The following LPCAT1 variants were observed in gnomAD, a reference collection of about 807,000 sequenced individuals.
LPCAT1 encodes lysophosphatidylcholine acyltransferase 1.
Under a neutral mutation model 60.9 loss-of-function variants are expected in LPCAT1, and 23 were observed. The observed-to-expected ratio is 0.38, with a 90% CI of 0.27 to 0.53. The LOEUF (loss-of-function observed/expected upper bound fraction) is 0.53. LPCAT1 is among the 20% of genes least tolerant of loss of function. The probability of loss-of-function intolerance (pLI) is 0.82; values close to 1 mark genes in which losing one functional copy is unlikely to be tolerated. For missense variants in LPCAT1, 622 were observed against 723.6 expected, an observed-to-expected ratio of 0.86 and a Z score of 1.61; for synonymous variants, 340 against 301.1, an observed-to-expected ratio of 1.13 and a Z score of -1.34.
chr5:1,520,375 CT>C (rs886549090), intron 1 of LPCAT1, among the ~76,000 whole-genome samples: 8 of 152,198 alleles, frequency 5.3e-5, no homozygotes, highest in African/African-American at 1.9e-4. Flanking sequence ...GAATCTGTCC[CT>C]GGACTCAACC....
At chr5:1,468,414 T>G (rs944281818) in intron 12 of LPCAT1, among the ~76,000 whole-genome samples, 1 of 152,180 alleles carries the variant, frequency 6.6e-6, no homozygotes, top group East Asian at 1.9e-4. Flanking sequence ...CCGACCTGGA[T>G]CCCACTCAGC....
rs557374634 is a variant in LPCAT1, at chr5:1,490,236, T to C, written c.494-378A>G. Among the ~76,000 whole-genome samples, 106 of 152,338 alleles carry C rather than the reference T, an allele frequency of 7.0e-4. No individual in the cohort carries two copies. The Middle Eastern group carries it at 0.01, about 15-fold the overall frequency. On this transcript the variant is annotated intron_variant, in intron 3 of 13. Coordinates refer to ENST00000283415, the MANE Select transcript of LPCAT1 (RefSeq NM_024830.5). The stretch of plus-strand genomic sequence containing the variant: ...CCAGGTCCCTAGATTGGACCCCGCC[T>C]TCCCCCTGTGGGTTGAACTGCATCC...
rs1316380616 is a variant in LPCAT1, at chr5:1,463,419, C to G, written c.*232G>C. On this transcript the variant is annotated 3_prime_UTR_variant, in exon 14 of 14. Coordinates refer to ENST00000283415, the MANE Select transcript of LPCAT1 (RefSeq NM_024830.5). ...GAACCTGACCCCACGGGGTCCAGGC[C>G]AGGCGGGGGATCCGCGTGCGCGCCC... The G allele has an allele frequency of 1.5e-5, 8 of 546,584 alleles. No homozygotes were observed. The Admixed American group carries it at 2.8e-4, about 19-fold the overall frequency. 33.9% of individuals were successfully genotyped at this position (546,584 alleles called of 1,614,324 possible). A position where few individuals can be genotyped will look rare whatever the true frequency, so the allele number is the denominator to read the frequency against.
At position 1,521,274 on chromosome 5, in the gene LPCAT1, A is replaced by G; in HGVS notation, c.135+2436T>C. 5 of 951,014 alleles carry G rather than the reference A, an allele frequency of 5.3e-6. No individual in the cohort carries two copies. Among genetic ancestry groups the G allele is most frequent in the Non-Finnish European group, 6.3e-6 (5 of 798,774 alleles). 58.9% of individuals were successfully genotyped at this position (951,014 alleles called of 1,614,324 possible). A position where few individuals can be genotyped will look rare whatever the true frequency, so the allele number is the denominator to read the frequency against. ...TGGCTGGAGGAGGAGGTGTCCCCGC[A>G]TGGCGCTAATCCGAAGACACACAGC... On this transcript the variant is annotated intron_variant, in intron 1 of 13. Transcript: ENST00000283415. The surrounding 1 kb of genome is among the most constrained non-coding windows in gnomAD (Gnocchi z 4.3).
intron 9 of LPCAT1, among the ~76,000 whole-genome samples, chr5:1,475,255 T>G (rs1734855245): frequency 6.6e-6 from 1 of 152,196 alleles, no homozygotes; most frequent in Non-Finnish European, 1.5e-5. Context: ...TTGGCAAACT[T>G]AGGCATCATC....
intron 13 of LPCAT1, among the ~76,000 whole-genome samples, chr5:1,466,341 C>G (rs1734403054): frequency 6.6e-6 from 1 of 152,138 alleles, no homozygotes. Flanking sequence ...CCCGCCTCCT[C>G]GTCTCTCCTG....
Position 1,480,321 on chromosome 5 carries a change from C to T in LPCAT1, c.761+621G>A. 4 of 985,030 alleles carry T rather than the reference C, an allele frequency of 4.1e-6. No individual in the cohort carries two copies. Among genetic ancestry groups the T allele is most frequent in the Non-Finnish European group, 4.8e-6 (4 of 829,804 alleles). 61.0% of individuals were successfully genotyped at this position (985,030 alleles called of 1,614,324 possible). A position where few individuals can be genotyped will look rare whatever the true frequency, so the allele number is the denominator to read the frequency against. ...CCTCAACACCTTCACCTGAAAGCAC[C>T]AGCGGACCCACATCCTCCCAAACGC... On this transcript the variant is annotated intron_variant, in intron 7 of 13. Transcript: ENST00000283415. The surrounding 1 kb of genome is among the most constrained non-coding windows in gnomAD (Gnocchi z 6.4).
At position 1,470,846 on chromosome 5, in the gene LPCAT1, T is replaced by C. The variant is rs1156971663; in HGVS notation, c.1258A>G (p.Thr420Ala). The change falls in exon 12 of 14, where the codon ACC becomes GCC. Residue 420 changes from threonine to alanine, a missense_variant. This residue lies in a region of LPCAT1 where 288 missense variants were observed against 283.6 expected (regional missense o/e 1.02). Coordinates refer to ENST00000283415, the MANE Select transcript of LPCAT1 (RefSeq NM_024830.5). The part of the protein sequence containing the change: ...VVCRPARTLD[T>A]IQLAFKMYGA... ...CTCACCTTGAAAGCCAGCTGGATGG[T>C]GTCCAGGGTCCGGGCCGGCCGGCAG... 6.2e-7 allele frequency: 1 copy of C among 1,613,614 alleles called. No individual in the cohort carries two copies.
At chr5:1,519,758 T>C (rs1044543776) in intron 1 of LPCAT1, among the ~76,000 whole-genome samples, 3 of 152,210 alleles carry the variant, frequency 2.0e-5, no homozygotes, top group Non-Finnish European at 4.4e-5. Flanking sequence ...GTTGGCACCA[T>C]CACACCCAGG....
chr5:1,515,086 CA>C (rs1736465447), intron 1 of LPCAT1, among the ~76,000 whole-genome samples: 1 of 152,046 alleles, frequency 6.6e-6, no homozygotes, highest in South Asian at 2.1e-4. Flanking sequence ...CATCCTGCAT[CA>C]GGGGATCCTG....
At chr5:1,473,248 A>G (rs535851772) in intron 11 of LPCAT1, among the ~76,000 whole-genome samples, 4 of 152,318 alleles carry the variant, frequency 2.6e-5, no homozygotes, top group Non-Finnish European at 4.4e-5. Context: ...TGGCTGAAGG[A>G]GCCTTCTACA....
chr5:1,481,501 C>G lies in LPCAT1; in HGVS notation c.727-525G>C, dbSNP rs554574213. ...AGTCCCATCTTCAGCCTCAGTGCCG[C>G]CGGGCAGGGACCACACAGCAGGGGC... On this transcript the variant is annotated intron_variant, in intron 6 of 13. Transcript: ENST00000283415. This position sits in a 1 kb window ranked among gnomAD's most constrained non-coding sequence, Gnocchi z 7.8. Among the ~76,000 whole-genome samples the G allele has an allele frequency of 2.0e-5, 3 of 152,402 alleles. No individual in the cohort carries two copies. In the East Asian group the frequency reaches 5.8e-4, roughly 29 times the overall value.
chr5:1,493,099 G>A (rs1735652854), intron 3 of LPCAT1, among the ~76,000 whole-genome samples: 1 of 152,206 alleles, frequency 6.6e-6, no homozygotes, highest in African/African-American at 2.4e-5. Flanking sequence ...CCATCACTCG[G>A]ATGGTGCCTG....
intron 2 of LPCAT1, among the ~76,000 whole-genome samples, chr5:1,498,627 C>A (rs1301093655): frequency 1.3e-5 from 2 of 150,470 alleles, no homozygotes; most frequent in East Asian, 3.9e-4. Context: ...CGTACACTTG[C>A]ACATATACAC....
In LPCAT1 at chr5:1,480,696, G is replaced by A. The variant is rs967390300; in HGVS notation, c.761+246C>T. On this transcript the variant is annotated intron_variant, in intron 7 of 13. Transcript: ENST00000283415. The surrounding 1 kb of genome is among the most constrained non-coding windows in gnomAD (Gnocchi z 6.4). Reference sequence around the variant, plus strand: ...TACTGAGCTGGCAAACTCGAGAGCCGAATGCAAGACTCACAGTTCCCTTCC... The same window carrying A: ...TACTGAGCTGGCAAACTCGAGAGCCAAATGCAAGACTCACAGTTCCCTTCC... 6.6e-6 allele frequency among the ~76,000 whole-genome samples: 1 copy of A among 152,152 alleles called. No homozygotes were observed. The highest frequency in any genetic ancestry group is 1.5e-5 in the Non-Finnish European group (1 of 68,032).
rs1002509555 is a variant in LPCAT1 at position 1,521,699 on chromosome 5, C to A, written c.135+2011G>T. Among the ~76,000 whole-genome samples the A allele has an allele frequency of 6.6e-6, 1 of 152,082 alleles. No homozygotes were observed. The highest frequency in any genetic ancestry group is 1.5e-5 in the Non-Finnish European group (1 of 68,028). On this transcript the variant is annotated intron_variant, in intron 1 of 13. Transcript: ENST00000283415. The surrounding 1 kb of genome is among the most constrained non-coding windows in gnomAD (Gnocchi z 4.3). ...AAAGCAAGCCCCCTCTCTGAGAGGC[C>A]CCAACACCTCAAGCCAGGATCTCTG...
In LPCAT1 at chr5:1,461,826, C is replaced by G. The variant is rs1418319448; in HGVS notation, c.*1825G>C. 1 of 152,580 alleles carries G rather than the reference C, an allele frequency of 6.6e-6. No homozygotes were observed. Among genetic ancestry groups the G allele is most frequent in the African/African-American group, 2.4e-5 (1 of 41,420 alleles). The allele number at this position is 152,580 out of a possible 1,614,324, so 9.5% of individuals were successfully genotyped here. ...GCCTGGGTCCCTTCCCTCGGAATATCTTAGTTTATTTACCTCCTTCATTGG... is the reference window on the plus strand; with the variant it reads ...GCCTGGGTCCCTTCCCTCGGAATATGTTAGTTTATTTACCTCCTTCATTGG... On this transcript the variant is annotated 3_prime_UTR_variant, in exon 14 of 14. Transcript: ENST00000283415.
At position 1,477,589 on chromosome 5, in the gene LPCAT1, A is replaced by G; in HGVS notation, c.817-103T>C. 1.2e-6 allele frequency: 1 copy of G among 820,204 alleles called. No individual in the cohort carries two copies. The highest frequency in any genetic ancestry group is 2.0e-6 in the Non-Finnish European group (1 of 502,532). 50.8% of individuals were successfully genotyped at this position (820,204 alleles called of 1,614,324 possible). A position where few individuals can be genotyped will look rare whatever the true frequency, so the allele number is the denominator to read the frequency against. ...TGACAAAATTAAGATCTGTCAAAGT[A>G]ACGCCCATTAGAACCGTCTTCAAAG... is the stretch of plus-strand genomic sequence containing the variant. On this transcript the variant is annotated intron_variant, in intron 8 of 13. Transcript: ENST00000283415. This position sits in a 1 kb window ranked among gnomAD's most constrained non-coding sequence, Gnocchi z 6.0.
chr5:1,500,331 T>C (rs1398326363), intron 2 of LPCAT1, among the ~76,000 whole-genome samples: 1 of 152,284 alleles, frequency 6.6e-6, no homozygotes, highest in Non-Finnish European at 1.5e-5. Flanking sequence ...TAATGGCAGA[T>C]ACTTTCAGTG....
Sources: gnomAD v4.1 joint callset for allele counts (sites outside exome capture counted in the v4.1 genomes callset) on GRCh38, gnomAD v4.1.1 for gene constraint, gnomAD v4.1.1 regional missense constraint, Gnocchi (gnomAD v3.1) non-coding constraint, MANE v1.5 for transcripts, NCBI Gene and HGNC (gene_info 2026-07-23, HGNC 2026-07-21) for gene names.